The following CLSTN2 variants were observed in gnomAD, a reference collection of about 807,000 sequenced individuals.
CLSTN2 encodes the protein calsyntenin-2.
CLSTN2 carries 48 observed loss-of-function variants against 101.2 expected under a neutral mutation model. The observed-to-expected ratio is 0.47, with a 90% CI of 0.38 to 0.60. The LOEUF (loss-of-function observed/expected upper bound fraction) is 0.60. CLSTN2 is among the 20% of genes least tolerant of loss of function. CLSTN2 has a pLI of 0.00. For synonymous variants in CLSTN2, 481 were observed against 463.6 expected (o/e 1.04, Z -0.48); for missense variants, 1,160 against 1,238.2 (o/e 0.94, Z 0.95).
intron 1 of CLSTN2, among the ~76,000 whole-genome samples, chr3:139,984,635 C>G (rs556267307): frequency 6.6e-6 from 1 of 152,290 alleles, no homozygotes; most frequent in African/African-American, 2.4e-5. Context: ...TTCTTTCCAA[C>G]TCCTCTGACC....
rs375022593 is a variant in CLSTN2, at chr3:140,086,102, T to G, written c.110-89849T>G. ...ACTTTGCTGCCTTCCTTATGAATAT[T>G]TGGACATATTATGCCAATGACAGGA... On this transcript the variant is annotated intron_variant, in intron 1 of 16. Transcript: ENST00000458420. 2.0e-5 allele frequency among the ~76,000 whole-genome samples: 3 copies of G among 152,230 alleles called. No homozygotes were observed. The East Asian group carries it at 5.8e-4, about 29-fold the overall frequency.
chr3:140,361,783 T>C (rs1428474923), intron 2 of CLSTN2, among the ~76,000 whole-genome samples: 1 of 152,090 alleles, frequency 6.6e-6, no homozygotes, highest in Non-Finnish European at 1.5e-5. Flanking sequence ...GAAGTACGAC[T>C]TGTATACTGA....
chr3:140,493,412 T>G (rs1449644569), intron 8 of CLSTN2, among the ~76,000 whole-genome samples: 1 of 152,112 alleles, frequency 6.6e-6, no homozygotes, highest in Non-Finnish European at 1.5e-5. Flanking sequence ...CAATATAGGG[T>G]CTCTTTGGAA....
intron 2 of CLSTN2, among the ~76,000 whole-genome samples, chr3:140,244,488 G>A (rs557885670): frequency 2.6e-5 from 4 of 152,184 alleles, no homozygotes; most frequent in South Asian, 4.2e-4. Flanking sequence ...GTGTGTGTAC[G>A]TACACACACC....
In CLSTN2 at chr3:139,938,797, C is replaced by T. The variant is rs138270912; in HGVS notation, c.109+3314C>T. Reference sequence around the variant, plus strand: ...CCTTCTTAAGTTCCCAACATCTAGGCATAGAGGTCATTTGGAACAATACTC... The same window carrying T: ...CCTTCTTAAGTTCCCAACATCTAGGTATAGAGGTCATTTGGAACAATACTC... On this transcript the variant is annotated intron_variant, in intron 1 of 16. Transcript: ENST00000458420. 1.8e-3 allele frequency among the ~76,000 whole-genome samples: 274 copies of T among 152,288 alleles called. 1 individual carries two copies. The highest frequency in any genetic ancestry group is 3.3e-3 in the Non-Finnish European group (222 of 68,030).
At chr3:140,457,297 C>T (rs770628340) in intron 6 of CLSTN2, among the ~76,000 whole-genome samples, 1 of 152,228 alleles carries the variant, frequency 6.6e-6, no homozygotes, top group Non-Finnish European at 1.5e-5. Context: ...TCCCAGGTTT[C>T]AGGAACCGAC....
intron 2 of CLSTN2, among the ~76,000 whole-genome samples, chr3:140,264,236 CA>C (rs2086676448): frequency 6.6e-6 from 1 of 151,580 alleles, no homozygotes; most frequent in African/African-American, 2.4e-5. Flanking sequence ...GCCTCCCAAG[CA>C]TAGTACTGAA....
chr3:140,482,457 A>T (rs1395680816), intron 8 of CLSTN2, among the ~76,000 whole-genome samples: 1 of 152,208 alleles, frequency 6.6e-6, no homozygotes, highest in East Asian at 1.9e-4. Flanking sequence ...TGCTGGCCTC[A>T]TAAAATGAGT....
rs114321932 is a variant in CLSTN2 at position 140,317,964 on chromosome 3, G to A, written c.233-85665G>A. ...TGCATCATATCAATAGTGCCCGCTG[G>A]TGTCATGCACCTCATTCATTACATT... On this transcript the variant is annotated intron_variant, in intron 2 of 16. Coordinates refer to ENST00000458420, the MANE Select transcript of CLSTN2 (RefSeq NM_022131.3). 5.6e-4 allele frequency among the ~76,000 whole-genome samples: 85 copies of A among 152,276 alleles called. No individual in the cohort carries two copies. The South Asian group carries it at 0.018, about 32-fold the overall frequency.
intron 2 of CLSTN2, among the ~76,000 whole-genome samples, chr3:140,246,376 T>C (rs1198432476): frequency 6.6e-6 from 1 of 152,186 alleles, no homozygotes; most frequent in Non-Finnish European, 1.5e-5. Context: ...GATCTTTTAC[T>C]ACCATGGGTC....
chr3:140,245,306 A>AACTCAATG (rs2086506428), intron 2 of CLSTN2, among the ~76,000 whole-genome samples: 3 of 152,212 alleles, frequency 2.0e-5, no homozygotes, highest in Admixed American at 2.0e-4. Flanking sequence ...ATTCTAATTT[A>AACTCAATG]ACTCAATGAC....
rs185816300 is a variant in CLSTN2 at position 139,996,232 on chromosome 3, T to A, written c.109+60749T>A. On this transcript the variant is annotated intron_variant, in intron 1 of 16. Transcript: ENST00000458420. Reference sequence around the variant, plus strand: ...ACTGGATATTGTCTTCTGGGACTTTTTTTTCACAGTATGCTTTAATATGTT... The same window carrying A: ...ACTGGATATTGTCTTCTGGGACTTTATTTTCACAGTATGCTTTAATATGTT... Among the ~76,000 whole-genome samples the A allele has an allele frequency of 9.6e-3, 1,466 of 152,238 alleles. 6 individuals carry two copies. The highest frequency in any genetic ancestry group is 0.037 in the Middle Eastern group (11 of 294).
chr3:140,278,761 C>T (rs2086818608), intron 2 of CLSTN2, among the ~76,000 whole-genome samples: 2 of 152,206 alleles, frequency 1.3e-5, no homozygotes, highest in Admixed American at 1.3e-4. Flanking sequence ...CACTCTGCTG[C>T]CCAGACTGGA....
At chr3:140,147,858 C>A (rs1287829420) in intron 1 of CLSTN2, among the ~76,000 whole-genome samples, 10 of 152,140 alleles carry the variant, frequency 6.6e-5, no homozygotes. Flanking sequence ...TGCATTGTGG[C>A]CATATGAGGA....
At chr3:140,167,939 T>A (rs1324467556) in intron 1 of CLSTN2, among the ~76,000 whole-genome samples, 2 of 152,216 alleles carry the variant, frequency 1.3e-5, no homozygotes, top group African/African-American at 2.4e-5. Context: ...TTCTGCAATT[T>A]GTTTATCCAT....
intron 2 of CLSTN2, among the ~76,000 whole-genome samples, chr3:140,329,733 A>G (rs1041195401): frequency 6.6e-6 from 1 of 152,204 alleles, no homozygotes; most frequent in African/African-American, 2.4e-5. Context: ...TCCTGTATTC[A>G]TGGCATGGCC....
rs1656640866 is a variant in CLSTN2 at position 140,210,737 on chromosome 3, G to C, written c.232+34664G>C. On this transcript the variant is annotated intron_variant, in intron 2 of 16. Transcript: ENST00000458420. ...GGGTATTTCATCTTGGGTAGATCTT[G>C]GTGGACCCTGTTCATGCAGTGGGTT... 1.3e-5 allele frequency among the ~76,000 whole-genome samples: 2 copies of C among 151,992 alleles called. 1 individual carries two copies. Among genetic ancestry groups the C allele is most frequent in the Admixed American group, 1.3e-4 (2 of 15,260 alleles).
At chr3:140,359,866 T>G (rs2087708654) in intron 2 of CLSTN2, among the ~76,000 whole-genome samples, 1 of 152,140 alleles carries the variant, frequency 6.6e-6, no homozygotes, top group African/African-American at 2.4e-5. Flanking sequence ...GAAGGTCTAC[T>G]AGCTCTCTGT....
Position 140,176,181 on chromosome 3 carries a change from C to A in CLSTN2, c.232+108C>A, listed in dbSNP as rs2010321769. On this transcript the variant is annotated intron_variant, in intron 2 of 16. Transcript: ENST00000458420. ...TTATAGCTATTGTCACCACCCTGTG[C>A]ATCTCTAGATCAGCCTGTGATGTTA... 4.1e-6 allele frequency: 5 copies of A among 1,217,352 alleles called. No individual in the cohort carries two copies. The Admixed American group carries it at 8.7e-5, about 21-fold the overall frequency. 75.4% of individuals were successfully genotyped at this position (1,217,352 alleles called of 1,614,324 possible).
Sources: gnomAD v4.1 joint callset for allele counts (sites outside exome capture counted in the v4.1 genomes callset) on GRCh38, gnomAD v4.1.1 for gene constraint, MANE v1.5 for transcripts, NCBI Gene and HGNC (gene_info 2026-07-23, HGNC 2026-07-21) for gene names.